DZIP1: variants seen among roughly 807,000 people sequenced by gnomAD.
DZIP1 encodes the protein cilium assembly protein DZIP1.
In DZIP1, 97 loss-of-function variants were observed where a neutral mutation model predicts 107.6. The observed-to-expected ratio is 0.90, with a 90% CI of 0.77 to 1.07. The LOEUF (loss-of-function observed/expected upper bound fraction) is 1.07. Ranked by LOEUF, DZIP1 falls within the 50% of genes least tolerant of loss-of-function variation. The pLI, the probability that DZIP1 is intolerant of heterozygous loss-of-function variation, is 0.00. For synonymous variants in DZIP1, 390 were observed against 386.4 expected (o/e 1.01, Z -0.11); for missense variants, 1,035 against 1,063.6 (o/e 0.97, Z 0.37).
intron 13 of DZIP1, among the ~76,000 whole-genome samples, chr13:95,606,331 G>A (rs531388965): frequency 2.0e-4 from 31 of 152,062 alleles, no homozygotes; most frequent in African/African-American, 6.5e-4. Flanking sequence ...TCTAATTCTC[G>A]AACATTTGCT....
chr13:95,633,093 G>T, intron 6 of DZIP1, 141 bp downstream of exon 6: 1 of 751,610 alleles, frequency 1.3e-6, no homozygotes. Flanking sequence ...ACCTCCTGAG[G>T]GCTCCATATT....
intron 14 of DZIP1, among the ~76,000 whole-genome samples, chr13:95,603,152 TA>T (rs1400131223): frequency 6.6e-6 from 1 of 151,724 alleles, no homozygotes; most frequent in African/African-American, 2.4e-5. Context: ...AAATGCCGTC[TA>T]TATAATAAAT....
chr13:95,625,967 TAAA>T (rs775715417), intron 7 of DZIP1, among the ~76,000 whole-genome samples: 2 of 139,190 alleles, frequency 1.4e-5, no homozygotes, highest in South Asian at 2.3e-4. Context: ...TACCAAAAAT[TAAA>T]AAAAAAAAAA....
intron 10 of DZIP1, among the ~76,000 whole-genome samples, chr13:95,614,125 C>CAAA (rs11327779): frequency 1.1e-4 from 8 of 73,416 alleles, no homozygotes; most frequent in African/African-American, 1.5e-4. Flanking sequence ...GACCCTGTCT[C>CAAA]AAAAAAAAAA....
intron 15 of DZIP1, among the ~76,000 whole-genome samples, chr13:95,595,030 G>A (rs1212540196): frequency 1.3e-5 from 2 of 152,220 alleles, no homozygotes; most frequent in Non-Finnish European, 2.9e-5. Flanking sequence ...TCAAAAGCCT[G>A]ATCTGGGAGA....
chr13:95,580,031 T>C lies in DZIP1; in HGVS notation c.*2203A>G, dbSNP rs553312296. 1.3e-5 allele frequency: 2 copies of C among 152,298 alleles called. No individual in the cohort carries two copies. Among genetic ancestry groups the C allele is most frequent in the African/African-American group, 2.4e-5 (1 of 41,556 alleles). The allele number at this position is 152,298 out of a possible 1,614,324, so 9.4% of individuals were successfully genotyped here. ...TCCCCTCAAAAACGAACAAACCAAATTTTATACAAAAAAATGAAATGCAGC... is the reference window on the plus strand; with the variant it reads ...TCCCCTCAAAAACGAACAAACCAAACTTTATACAAAAAAATGAAATGCAGC... On this transcript the variant is annotated 3_prime_UTR_variant, in exon 23 of 23. Transcript: ENST00000376829.
chr13:95,606,820 C>A (rs776039508), intron 13 of DZIP1, among the ~76,000 whole-genome samples: 1 of 152,204 alleles, frequency 6.6e-6, no homozygotes, highest in South Asian at 2.1e-4. Context: ...TTAAGTAAGA[C>A]TCAATCCTCT....
intron 6 of DZIP1, among the ~76,000 whole-genome samples, chr13:95,630,540 G>T (rs1007048787): frequency 6.6e-6 from 1 of 152,046 alleles, no homozygotes; most frequent in Non-Finnish European, 1.5e-5. Context: ...TCCTTTAGGT[G>T]CCCGCTGAAC....
chr13:95,630,674 C>A, intron 6 of DZIP1: 1 of 1,186,952 alleles, frequency 8.4e-7, no homozygotes, highest in Non-Finnish European at 1.1e-6. Flanking sequence ...TAAAAGGAAG[C>A]AACAAGTGAA....
chr13:95,621,501 T>C (rs1875840651), intron 9 of DZIP1, among the ~76,000 whole-genome samples: 1 of 152,122 alleles, frequency 6.6e-6, no homozygotes, highest in African/African-American at 2.4e-5. Context: ...TCTACTTACC[T>C]TTTTTAGAAT....
In DZIP1 at chr13:95,622,420, C is replaced by A. The variant is rs200658829; in HGVS notation, c.1033G>T (p.Asp345Tyr). The A allele has an allele frequency of 1.5e-4, 237 of 1,614,204 alleles. 2 individuals are homozygous for A. The Admixed American group carries it at 3.9e-3, about 26-fold the overall frequency. ...QIKSNIGTLK[D>Y]AHEFKEDRSP... is the part of the protein sequence containing the mutation. ...CGGTCTTCTTTAAACTCGTGTGCAT[C>A]TTTTAATGTGCCTATGTTGGACTTG... Residue 345 changes from aspartate (D) to tyrosine (Y), a missense_variant, in exon 9 of 23, where the codon GAT becomes TAT. Physicochemically the swap from Asp to Tyr is radical, Grantham distance 160. Transcript: ENST00000376829.
chr13:95,599,270 A>C (rs4497528), intron 15 of DZIP1, 95 bp downstream of exon 15: 252,380 of 1,029,190 alleles, frequency 0.25, 32,694 homozygotes, highest in Admixed American at 0.39. Flanking sequence ...ATTTTGATGT[A>C]GTGGAATAAA....
chr13:95,598,753 T>C (rs1171103834), intron 15 of DZIP1, among the ~76,000 whole-genome samples: 7 of 152,168 alleles, frequency 4.6e-5, no homozygotes, highest in Admixed American at 3.9e-4. Flanking sequence ...TCCTCATAAT[T>C]AAACCTTTCT....
rs1594632206 is a variant in DZIP1, at chr13:95,581,675, G to C, written c.*559C>G. Reference sequence around the variant, plus strand: ...GTGCTCAAGTTATCCTCCCACCTCAGCCTCCCAAGTAGCTGGGATTAAAGG... The same window carrying C: ...GTGCTCAAGTTATCCTCCCACCTCACCCTCCCAAGTAGCTGGGATTAAAGG... On this transcript the variant is annotated 3_prime_UTR_variant, in exon 23 of 23. Coordinates refer to ENST00000376829, the MANE Select transcript of DZIP1 (RefSeq NM_198968.4). The C allele has an allele frequency of 6.6e-6, 1 of 152,254 alleles. No individual in the cohort carries two copies. The highest frequency in any genetic ancestry group is 2.1e-4 in the South Asian group (1 of 4,820). The allele number at this position is 152,254 out of a possible 1,614,324, so 9.4% of individuals were successfully genotyped here. A position where few individuals can be genotyped will look rare whatever the true frequency, so the allele number is the denominator to read the frequency against.
Position 95,612,056 on chromosome 13 carries a change from A to AC in DZIP1, c.1294_1295insG (p.Ile432SerfsTer9), listed in dbSNP as rs2045027337. 1 of 1,613,620 alleles carries AC rather than the reference A, an allele frequency of 6.2e-7. No individual in the cohort carries two copies. Among genetic ancestry groups the AC allele is most frequent in the Non-Finnish European group, 8.5e-7 (1 of 1,180,010 alleles). Reference sequence around the variant, plus strand: ...ACATACCTGCTGTCTCTGAGTTATAATCAGCTCATTCTGCTCCTGGAGTCT... The same window carrying AC: ...ACATACCTGCTGTCTCTGAGTTATAACTCAGCTCATTCTGCTCCTGGAGTCT... On this transcript the variant is annotated frameshift_variant, in exon 11 of 23. Coordinates refer to ENST00000376829, the MANE Select transcript of DZIP1 (RefSeq NM_198968.4). LOFTEE classifies it high-confidence loss of function.
intron 8 of DZIP1, among the ~76,000 whole-genome samples, chr13:95,624,405 T>C (rs1876285589): frequency 6.6e-6 from 1 of 152,230 alleles, no homozygotes; most frequent in South Asian, 2.1e-4. Flanking sequence ...CAAAGGTTCT[T>C]AGCCTTTCTG....
In DZIP1 at chr13:95,584,862, C is replaced by T; in HGVS notation, c.2398G>A (p.Glu800Lys). Residue 800 changes from glutamate (E) to lysine (K), a missense_variant, in exon 22 of 23, where the codon GAG becomes AAG. Transcript: ENST00000376829. ...CCAGATTTTTTTCCCAAAGATATCT[C>T]TTCCTCTAGGGATGATATGTCCCAG... is the stretch of plus-strand genomic sequence containing the variant. ...EDWDISSLEEEISLGKKSGKE... is the reference protein window; with the variant it reads ...EDWDISSLEEKISLGKKSGKE... 1.2e-6 allele frequency: 2 copies of T among 1,614,086 alleles called. No homozygotes were observed. Among genetic ancestry groups the T allele is most frequent in the Non-Finnish European group, 8.5e-7 (1 of 1,180,010 alleles).
At chr13:95,621,073 C>T (rs1547166) in intron 9 of DZIP1, among the ~76,000 whole-genome samples, 99,660 of 152,084 alleles carry the variant, frequency 0.66, 35,364 homozygotes, top group Non-Finnish European at 0.8. Context: ...CATCAGATCC[C>T]ACTTAGGGAC....
chr13:95,585,314 A>T (rs911246785), intron 21 of DZIP1, among the ~76,000 whole-genome samples: 1 of 152,206 alleles, frequency 6.6e-6, no homozygotes, highest in African/African-American at 2.4e-5. Context: ...ATAGCCCCCA[A>T]CTGAAAGGTG....
Sources: allele counts gnomAD v4.1 joint callset (sites outside exome capture counted in the v4.1 genomes callset), GRCh38; gene constraint gnomAD v4.1.1; transcripts MANE v1.5; gene names NCBI Gene and HGNC (gene_info 2026-07-23, HGNC 2026-07-21).